The following CREB5 variants were observed in gnomAD, a reference collection of about 807,000 sequenced individuals.
CREB5 encodes cAMP responsive element binding protein 5.
In CREB5, 19 loss-of-function variants were observed where a neutral mutation model predicts 57.1. The ratio of observed to expected loss-of-function variants is 0.33; its 90% CI spans 0.23 to 0.49. CREB5 has a LOEUF of 0.49. Among genes scored for constraint, CREB5 ranks in the 20% least tolerant of loss-of-function variants. The probability of loss-of-function intolerance (pLI) is 0.99; values close to 1 mark genes in which losing one functional copy is unlikely to be tolerated. For synonymous variants in CREB5, 238 were observed against 238.3 expected (o/e 1.00, Z 0.01); for missense variants, 579 against 671.6 (o/e 0.86, Z 1.52).
intron 1 of CREB5, among the ~76,000 whole-genome samples, chr7:28,391,637 G>T (rs1410837805): frequency 2.6e-5 from 4 of 152,096 alleles, no homozygotes; most frequent in African/African-American, 4.8e-5. Flanking sequence ...GTGCTTTTTG[G>T]TGACAGCCAC....
chr7:28,596,540 T>G (rs917671994), intron 5 of CREB5, among the ~76,000 whole-genome samples: 1 of 152,220 alleles, frequency 6.6e-6, no homozygotes, highest in African/African-American at 2.4e-5. Context: ...TAGAATTGTC[T>G]CTTCCTGTTT....
chr7:28,763,694 G>A lies in CREB5; in HGVS notation c.702+39362G>A, dbSNP rs147199104. On this transcript the variant is annotated intron_variant, in intron 7 of 10. Coordinates refer to ENST00000357727, the MANE Select transcript of CREB5 (RefSeq NM_182898.4). ...TAAATTATCCTGCCCTTATTCTGAG[G>A]TTTTGGTGATTTATAACAGATATTT... Among the ~76,000 whole-genome samples, 1,364 of 152,128 alleles carry A rather than the reference G, an allele frequency of 9.0e-3. 11 individuals are homozygous for A. Among genetic ancestry groups the A allele is most frequent in the Non-Finnish European group, 0.011 (731 of 68,006 alleles).
At chr7:28,417,575 C>A (rs1277634687) in intron 1 of CREB5, among the ~76,000 whole-genome samples, 1 of 152,184 alleles carries the variant, frequency 6.6e-6, no homozygotes, top group Admixed American at 6.5e-5. Flanking sequence ...TCCACTCTGA[C>A]ATTCTGATTT....
At chr7:28,346,149 C>T (rs565432651) in intron 1 of CREB5, among the ~76,000 whole-genome samples, 148 of 152,244 alleles carry the variant, frequency 9.7e-4, no homozygotes, top group African/African-American at 3.5e-3. Context: ...ATTGGAATAT[C>T]GAGCAGAAAA....
chr7:28,714,431 A>T (rs1802563776), intron 5 of CREB5, among the ~76,000 whole-genome samples: 2 of 152,152 alleles, frequency 1.3e-5, no homozygotes, highest in African/African-American at 4.8e-5. Context: ...TGTGCCACAG[A>T]TCTTCTGAAG....
intron 1 of CREB5, among the ~76,000 whole-genome samples, chr7:28,372,972 T>G (rs1786741890): frequency 6.6e-6 from 1 of 152,182 alleles, no homozygotes; most frequent in East Asian, 1.9e-4. Flanking sequence ...GGTGTTTATT[T>G]GGGGTAAGGA....
intron 4 of CREB5, among the ~76,000 whole-genome samples, chr7:28,566,369 A>G (rs1473999907): frequency 6.6e-6 from 1 of 152,238 alleles, no homozygotes; most frequent in African/African-American, 2.4e-5. Context: ...AAAATGTTGA[A>G]GAAGAAAAGG....
At chr7:28,776,270 G>A (rs1449888394) in intron 7 of CREB5, among the ~76,000 whole-genome samples, 2 of 151,520 alleles carry the variant, frequency 1.3e-5, no homozygotes, top group South Asian at 2.1e-4. Flanking sequence ...CCCGGGAGGC[G>A]GAGCTTACAA....
intron 1 of CREB5, among the ~76,000 whole-genome samples, chr7:28,354,388 A>C (rs1344365455): frequency 6.6e-6 from 1 of 152,136 alleles, no homozygotes; most frequent in Admixed American, 6.5e-5. Context: ...CTAGCCTCCC[A>C]GCCTATGTCT....
chr7:28,814,986 T>C (rs142317622), intron 9 of CREB5, among the ~76,000 whole-genome samples: 17 of 152,348 alleles, frequency 1.1e-4, no homozygotes, highest in African/African-American at 4.1e-4. Context: ...AAGAAATATG[T>C]CCTGCCAGGC....
chr7:28,566,490 A>G (rs143883897), intron 4 of CREB5, among the ~76,000 whole-genome samples: 1 of 152,228 alleles, frequency 6.6e-6, no homozygotes. Flanking sequence ...CCTCTGTACT[A>G]TCAGAAATAA....
intron 6 of CREB5, among the ~76,000 whole-genome samples, chr7:28,719,619 A>G (rs1394665098): frequency 3.9e-5 from 6 of 152,020 alleles, no homozygotes; most frequent in Non-Finnish European, 8.8e-5. Context: ...TTTTATACCT[A>G]TTTTCCAGAT....
At chr7:28,614,052 CA>C (rs1797505462) in intron 5 of CREB5, among the ~76,000 whole-genome samples, 2 of 152,116 alleles carry the variant, frequency 1.3e-5, no homozygotes, top group African/African-American at 4.8e-5. Context: ...TTTGAACTAC[CA>C]GCCTCAAGAG....
chr7:28,518,957 G>A (rs940643230), intron 4 of CREB5, among the ~76,000 whole-genome samples: 2 of 152,188 alleles, frequency 1.3e-5, no homozygotes, highest in African/African-American at 4.8e-5. Flanking sequence ...CAGGAAGTTA[G>A]AATACATCAA....
chr7:28,458,835 G>T (rs191458150), intron 1 of CREB5, among the ~76,000 whole-genome samples: 3 of 152,308 alleles, frequency 2.0e-5, no homozygotes, highest in Non-Finnish European at 2.9e-5. Flanking sequence ...GAGACACAGT[G>T]GGCCTTGGAA....
In CREB5 at chr7:28,672,659, G is replaced by A. The variant is rs534141226; in HGVS notation, c.465-46094G>A. On this transcript the variant is annotated intron_variant, in intron 5 of 10. Transcript: ENST00000357727. ...CACTCCCCAGCCCAAAGCCAACAAC[G>A]AATTCAGGGAAATTACTGGATGAGA... Among the ~76,000 whole-genome samples, 16 of 152,148 alleles carry A rather than the reference G, an allele frequency of 1.1e-4. 1 individual carries two copies. Among genetic ancestry groups the A allele is most frequent in the East Asian group, 5.8e-4 (3 of 5,170 alleles).
chr7:28,359,933 C>T (rs1216201793), intron 1 of CREB5, among the ~76,000 whole-genome samples: 1 of 152,204 alleles, frequency 6.6e-6, no homozygotes, highest in Non-Finnish European at 1.5e-5. Flanking sequence ...GGACATTTCT[C>T]TAAACATGAC....
intron 5 of CREB5, among the ~76,000 whole-genome samples, chr7:28,646,021 A>AACTT (rs1798874907): frequency 6.6e-6 from 1 of 152,134 alleles, no homozygotes; most frequent in South Asian, 2.1e-4. Context: ...CTTGGGCTGG[A>AACTT]ACTTACACCA....
rs367685698 is a variant in CREB5 at position 28,737,583 on chromosome 7, AT to A, written c.702+13252del. Among the ~76,000 whole-genome samples, 158 of 26,370 alleles carry A rather than the reference AT, an allele frequency of 6.0e-3. 2 individuals carry two copies. In the Middle Eastern group the frequency reaches 0.068, roughly 11 times the overall value. The allele number at this position is 26,370 out of a possible 152,430, so 17.3% of individuals were successfully genotyped here. A position where few individuals can be genotyped will look rare whatever the true frequency, so the allele number is the denominator to read the frequency against. On this transcript the variant is annotated intron_variant, in intron 7 of 10. Transcript: ENST00000357727. ...TATATATATATATATATATATATATATATATTTTTAACTCCTGTTTCAAAGG... is the reference window on the plus strand; with the variant it reads ...TATATATATATATATATATATATATAATATTTTTAACTCCTGTTTCAAAGG...
Sources: gnomAD v4.1 joint callset for allele counts (sites outside exome capture counted in the v4.1 genomes callset) on GRCh38, gnomAD v4.1.1 for gene constraint, MANE v1.5 for transcripts, NCBI Gene and HGNC (gene_info 2026-07-23, HGNC 2026-07-21) for gene names.